The following MYO1G variants were observed in gnomAD, a reference collection of about 807,000 sequenced individuals.
The protein encoded by MYO1G is unconventional myosin-Ig.
MYO1G carries 65 observed loss-of-function variants against 115.3 expected under a neutral mutation model. The observed-to-expected ratio is 0.56, with a 90% confidence interval of 0.46 to 0.69. The LOEUF (loss-of-function observed/expected upper bound fraction) is 0.69, where lower values mean the gene tolerates loss of function less well. MYO1G is among the 30% of genes least tolerant of loss of function. The pLI is 0.00. For missense variants in MYO1G, 1,204 were observed against 1,393.5 expected (o/e 0.86, Z 2.16); for synonymous variants, 510 against 552.6 (o/e 0.92, Z 1.08).
At chr7:44,975,262 G>A in intron 4 of MYO1G, 35 bp from the exon 5 acceptor site, 1 of 1,612,324 alleles carries the variant, frequency 6.2e-7, no homozygotes, top group South Asian at 1.1e-5. Flanking sequence ...TCAGGCCTGG[G>A]AAGGAGTCTG....
Position 44,963,058 on chromosome 7 carries a change from C to G in MYO1G, c.2812G>C (p.Asp938His). The change falls in exon 21 of 22, where the codon GAC becomes CAC. Residue 938 changes from aspartate to histidine, a missense_variant. Coordinates refer to ENST00000258787, the MANE Select transcript of MYO1G (RefSeq NM_033054.3). The surrounding 1 kb of genome is among the most constrained non-coding windows in gnomAD (Gnocchi z 4.1). Reference sequence around the variant, plus strand: ...GAGCGGTGCAGGCACACCACGAGGTCGTCCTGGCCGCGGGCGTGCAGCACC... The same window carrying G: ...GAGCGGTGCAGGCACACCACGAGGTGGTCCTGGCCGCGGGCGTGCAGCACC... ...LVVLHARGQD[D>H]LVVCLHRSRP... 6.6e-7 allele frequency: 1 copy of G among 1,524,174 alleles called. No homozygotes were observed. The allele number at this position is 1,524,174 out of a possible 1,614,324, so 94.4% of individuals were successfully genotyped here. A position where few individuals can be genotyped will look rare whatever the true frequency, so the allele number is the denominator to read the frequency against.
Position 44,975,224 on chromosome 7 carries a change from G to A in MYO1G, c.568C>T (p.Arg190Trp), listed in dbSNP as rs1205985181. The A allele has an allele frequency of 6.2e-6, 10 of 1,613,888 alleles. No homozygotes were observed. Among genetic ancestry groups the A allele is most frequent in the South Asian group, 1.1e-5 (1 of 91,076 alleles). Residue 190 changes from arginine (R) to tryptophan (W), a missense_variant, in exon 5 of 22, where the codon CGG becomes TGG. Coordinates refer to ENST00000258787, the MANE Select transcript of MYO1G (RefSeq NM_033054.3). ...HIHSYLLEKSRVLKQHVGERN... is the reference protein window; with the variant it reads ...HIHSYLLEKSWVLKQHVGERN... ...TCACCCACGTGCTGCTTGAGGACCC[G>A]AGACTGAGGAGAGAGGGGCAGATGG...
chr7:44,971,125 CAAG>C (rs1794950938), intron 7 of MYO1G, 66 bp from the exon 8 acceptor site: 2 of 1,435,334 alleles, frequency 1.4e-6, no homozygotes, highest in Non-Finnish European at 1.9e-6. Context: ...CAACTTTGGA[CAAG>C]AAGGAGGAAG....
rs1208392160 is a variant in MYO1G, at chr7:44,962,733, G to C, written c.*6C>G. On this transcript the variant is annotated 3_prime_UTR_variant, in exon 22 of 22. Coordinates refer to ENST00000258787, the MANE Select transcript of MYO1G (RefSeq NM_033054.3). The surrounding 1 kb of genome is among the most constrained non-coding windows in gnomAD (Gnocchi z 5.3). ...GGCGGCCTCGGGGTGCGGCGGGTGCGGGCGCTCAGCGGCTGGGCCAGAGCA... is the reference window on the plus strand; with the variant it reads ...GGCGGCCTCGGGGTGCGGCGGGTGCCGGCGCTCAGCGGCTGGGCCAGAGCA... 6.9e-7 allele frequency: 1 copy of C among 1,456,290 alleles called. No individual in the cohort carries two copies. Among genetic ancestry groups the C allele is most frequent in the Non-Finnish European group, 9.0e-7 (1 of 1,114,886 alleles). 90.2% of individuals were successfully genotyped at this position (1,456,290 alleles called of 1,614,324 possible).
At chr7:44,971,627 A>G (rs1420112760) in intron 7 of MYO1G, 46 bp downstream of exon 7, 14 of 1,418,376 alleles carry the variant, frequency 9.9e-6, no homozygotes, top group Non-Finnish European at 1.4e-5. Flanking sequence ...CAGCCAGGAA[A>G]CCCTTGTGGG....
chr7:44,978,768 G>A, intron 1 of MYO1G, 99 bp downstream of exon 1: 2 of 1,179,240 alleles, frequency 1.7e-6, no homozygotes, highest in African/African-American at 1.5e-5. Context: ...CCCCTCCCTT[G>A]GACAGCAGCG....
chr7:44,978,035 T>C (rs1257096600), intron 1 of MYO1G, among the ~76,000 whole-genome samples: 1 of 152,202 alleles, frequency 6.6e-6, no homozygotes, highest in Non-Finnish European at 1.5e-5. Flanking sequence ...GTGCACAAAG[T>C]GCTTAGCTCA....
Position 44,969,496 on chromosome 7 carries a change from G to A in MYO1G, c.1504-13C>T, listed in dbSNP as rs780504620. Reference sequence around the variant, plus strand: ...CTGTGGGGCAGAGCTATGGGGACAGGCTGAGGTCAAGGCACAAAAGGTATG... The same window carrying A: ...CTGTGGGGCAGAGCTATGGGGACAGACTGAGGTCAAGGCACAAAAGGTATG... On this transcript the variant is annotated splice_polypyrimidine_tract_variant and intron_variant, in intron 11 of 21. Transcript: ENST00000258787. This position sits in a 1 kb window ranked among gnomAD's most constrained non-coding sequence, Gnocchi z 5.0. The A allele has an allele frequency of 4.3e-6, 7 of 1,613,610 alleles. No homozygotes were observed. The highest frequency in any genetic ancestry group is 1.3e-5 in the African/African-American group (1 of 74,876).
At chr7:44,968,353 A>G (rs913308160) in intron 12 of MYO1G, among the ~76,000 whole-genome samples, 11 of 152,202 alleles carry the variant, frequency 7.2e-5, no homozygotes, top group African/African-American at 2.7e-4. Flanking sequence ...ATCAGCGACT[A>G]CAACTATGAC....
chr7:44,977,604 A>AC (rs954994237), intron 1 of MYO1G, among the ~76,000 whole-genome samples: 1 of 142,186 alleles, frequency 7.0e-6, no homozygotes, highest in Non-Finnish European at 1.6e-5. Context: ...TACACCCCCG[A>AC]CCCCCCAGCC....
chr7:44,976,774 C>T lies in MYO1G; in HGVS notation c.304+89G>A, dbSNP rs564838041. 8.6e-5 allele frequency: 136 copies of T among 1,574,174 alleles called. No individual in the cohort carries two copies. In the South Asian group the frequency reaches 1.4e-3, roughly 16 times the overall value. ...TGGGGTCCTAGGGCCCCCATCAGGA[C>T]ACAGGGCACAGGAGATGCTCTAATG... On this transcript the variant is annotated intron_variant, in intron 2 of 21. Coordinates refer to ENST00000258787, the MANE Select transcript of MYO1G (RefSeq NM_033054.3).
rs549145958 is a variant in MYO1G, at chr7:44,969,671, C to G, written c.1503+34G>C. On this transcript the variant is annotated intron_variant, in intron 11 of 21. Coordinates refer to ENST00000258787, the MANE Select transcript of MYO1G (RefSeq NM_033054.3). This position sits in a 1 kb window ranked among gnomAD's most constrained non-coding sequence, Gnocchi z 5.0. ...GTGCCTGTGGGGCAGGTCCCACCAG[C>G]CCACTGTGGTGGCACTGGGACAGCC... 6.2e-7 allele frequency: 1 copy of G among 1,607,584 alleles called. No individual in the cohort carries two copies. Among genetic ancestry groups the G allele is most frequent in the Admixed American group, 1.7e-5 (1 of 59,898 alleles).
At chr7:44,971,465 C>T (rs1312517912) in intron 7 of MYO1G, among the ~76,000 whole-genome samples, 2 of 152,322 alleles carry the variant, frequency 1.3e-5, no homozygotes, top group Admixed American at 1.3e-4. Context: ...GCTTTTACTG[C>T]GCCTGGCTGA....
chr7:44,974,810 C>T, intron 5 of MYO1G: 1 of 316,530 alleles, frequency 3.2e-6, no homozygotes, highest in African/African-American at 2.1e-5. Flanking sequence ...CCCAGGAGCA[C>T]CACTTCAGTG....
Position 44,969,465 on chromosome 7 carries a change from T to G in MYO1G, c.1522A>C (p.Thr508Pro), listed in dbSNP as rs1240278479. ...CGGAAGTCTCGGCCAAACTCCATGG[T>G]CTTGTCTGTGGGGCAGAGCTATGGG... ...TSRQLCPTDK[T>P]MEFGRDFRIK... Residue 508 changes from threonine to proline, a missense_variant, in exon 12 of 22, where the codon ACC (threonine) becomes CCC (proline). Transcript: ENST00000258787. The surrounding 1 kb of genome is among the most constrained non-coding windows in gnomAD (Gnocchi z 5.0). The G allele has an allele frequency of 6.2e-7, 1 of 1,613,770 alleles. No homozygotes were observed. Among genetic ancestry groups the G allele is most frequent in the Non-Finnish European group, 8.5e-7 (1 of 1,180,008 alleles).
chr7:44,970,346 G>A (rs533206298), intron 9 of MYO1G, among the ~76,000 whole-genome samples, 192 bp from the exon 10 acceptor site: 22 of 152,174 alleles, frequency 1.4e-4, no homozygotes, highest in South Asian at 2.1e-4. Context: ...CTGCATGCAC[G>A]TTCTGGAGTG....
rs1479276584 is a variant in MYO1G at position 44,964,252 on chromosome 7, C to T, written c.2632-90G>A. 54 of 1,338,324 alleles carry T rather than the reference C, an allele frequency of 4.0e-5. No homozygotes were observed. The South Asian group carries it at 4.1e-4, about 10-fold the overall frequency. 82.9% of individuals were successfully genotyped at this position (1,338,324 alleles called of 1,614,324 possible). A position where few individuals can be genotyped will look rare whatever the true frequency, so the allele number is the denominator to read the frequency against. The stretch of plus-strand genomic sequence containing the variant: ...GGCAGTCCCTACTGCCTCCCCTCCC[C>T]GCTGGCGACAGTTTTGGGAGTGTCA... On this transcript the variant is annotated intron_variant, in intron 19 of 21. Coordinates refer to ENST00000258787, the MANE Select transcript of MYO1G (RefSeq NM_033054.3). The surrounding 1 kb of genome is among the most constrained non-coding windows in gnomAD (Gnocchi z 5.1).
At position 44,966,317 on chromosome 7, in the gene MYO1G, G is replaced by T; in HGVS notation, c.1950-37C>A. On this transcript the variant is annotated intron_variant, in intron 15 of 21. Transcript: ENST00000258787. This position sits in a 1 kb window ranked among gnomAD's most constrained non-coding sequence, Gnocchi z 5.0. ...GGACAGGGCAGTGTGGCCCAGGCCT[G>T]GGGGAGAGATGATGGAGCCCACCCT... is the stretch of plus-strand genomic sequence containing the variant. 1.3e-6 allele frequency: 2 copies of T among 1,545,720 alleles called. No homozygotes were observed. The highest frequency in any genetic ancestry group is 1.8e-6 in the Non-Finnish European group (2 of 1,140,366).
At chr7:44,972,078 G>C in intron 6 of MYO1G, 37 bp downstream of exon 6, 1 of 1,521,582 alleles carries the variant, frequency 6.6e-7, no homozygotes, top group Non-Finnish European at 9.1e-7. Context: ...CCCTGACACT[G>C]AGCCCAGTTT....
Sources: gnomAD v4.1 joint callset for allele counts (sites outside exome capture counted in the v4.1 genomes callset) on GRCh38, gnomAD v4.1.1 for gene constraint, Gnocchi (gnomAD v3.1) non-coding constraint, MANE v1.5 for transcripts, NCBI Gene and HGNC (gene_info 2026-07-23, HGNC 2026-07-21) for gene names.